Variants in SLC8A1 observed in about 807,000 individuals in gnomAD.
SLC8A1 encodes solute carrier family 8 member A1.
In SLC8A1, 18 loss-of-function variants were observed where a neutral mutation model predicts 68.3. That is an observed-to-expected ratio of 0.26 (90% confidence interval 0.18 to 0.39). SLC8A1 has a LOEUF of 0.39. Ranked by LOEUF, SLC8A1 falls within the 10% of genes least tolerant of loss-of-function variation. The pLI is 1.00. For synonymous variants in SLC8A1, 475 were observed against 415.5 expected (o/e 1.14, Z -1.74); for missense variants, 985 against 1,156.7 (o/e 0.85, Z 2.15).
chr2:40,339,666 A>C (rs887786239), intron 2 of SLC8A1, among the ~76,000 whole-genome samples: 2 of 152,232 alleles, frequency 1.3e-5, no homozygotes, highest in African/African-American at 4.8e-5. Flanking sequence ...TCACCAATGA[A>C]TGTCTCACAC....
At chr2:40,160,049 A>G (rs967003164) in intron 6 of SLC8A1, among the ~76,000 whole-genome samples, 1 of 148,392 alleles carries the variant, frequency 6.7e-6, no homozygotes, top group Non-Finnish European at 1.5e-5. Flanking sequence ...GAACAGGAAA[A>G]AAAATCCAAG....
At chr2:40,104,707 A>G (rs1311593015) in exon 8 of SLC8A1, 1 of 152,206 alleles carries the variant, frequency 6.6e-6, no homozygotes, top group Non-Finnish European at 1.5e-5. Context: ...ACCTAATATA[A>G]TACTTTGCAC....
At chr2:40,277,449 A>G (rs2066868427) in intron 2 of SLC8A1, among the ~76,000 whole-genome samples, 3 of 152,098 alleles carry the variant, frequency 2.0e-5, no homozygotes, top group South Asian at 4.1e-4. Context: ...CTGAGGCAGG[A>G]GAATCACTTG....
At chr2:40,366,499 G>A (rs751207053) in intron 2 of SLC8A1, among the ~76,000 whole-genome samples, 1 of 152,078 alleles carries the variant, frequency 6.6e-6, no homozygotes, top group Non-Finnish European at 1.5e-5. Context: ...ATTATAAGGT[G>A]TGAAATAAAT....
intron 2 of SLC8A1, among the ~76,000 whole-genome samples, chr2:40,265,360 C>T (rs995868573): frequency 2.0e-5 from 3 of 152,140 alleles, no homozygotes; most frequent in African/African-American, 7.2e-5. Context: ...TACTACCTTA[C>T]AGTACACTGC....
chr2:40,338,824 G>A (rs192973870), intron 2 of SLC8A1, among the ~76,000 whole-genome samples: 8 of 152,304 alleles, frequency 5.3e-5, no homozygotes, highest in African/African-American at 1.4e-4. Flanking sequence ...AAAATGCTAC[G>A]TTAATTACAC....
intron 1 of SLC8A1, among the ~76,000 whole-genome samples, chr2:40,481,416 G>A (rs967052657): frequency 3.9e-5 from 6 of 152,180 alleles, no homozygotes; most frequent in Admixed American, 2.6e-4. Context: ...GTGATTTTAT[G>A]CAAAATTATT....
At chr2:40,142,654 G>A (rs904333609) in intron 6 of SLC8A1, among the ~76,000 whole-genome samples, 1 of 152,154 alleles carries the variant, frequency 6.6e-6, no homozygotes, top group African/African-American at 2.4e-5. Context: ...TATAAATTGA[G>A]AGTAGACATT....
intron 2 of SLC8A1, among the ~76,000 whole-genome samples, chr2:40,234,362 T>C (rs1335517094): frequency 1.3e-5 from 2 of 151,996 alleles, no homozygotes; most frequent in East Asian, 1.9e-4. Context: ...TTTGAAGCAA[T>C]TGTGAATGGG....
intron 1 of SLC8A1, among the ~76,000 whole-genome samples, chr2:40,510,273 T>A (rs1030909748): frequency 1.3e-5 from 2 of 152,236 alleles, no homozygotes; most frequent in East Asian, 1.9e-4. Flanking sequence ...GGCAAGTAGC[T>A]TGACTGTCAT....
chr2:40,360,724 C>T (rs1021980339), intron 2 of SLC8A1, among the ~76,000 whole-genome samples: 6 of 152,108 alleles, frequency 3.9e-5, no homozygotes, highest in Admixed American at 1.3e-4. Flanking sequence ...TTAGAATCTG[C>T]ATCACACTCT....
intron 2 of SLC8A1, among the ~76,000 whole-genome samples, chr2:40,313,126 T>C (rs571649217): frequency 6.6e-6 from 1 of 152,218 alleles, no homozygotes; most frequent in African/African-American, 2.4e-5. Flanking sequence ...TCAATAATTT[T>C]ATTGTCACTG....
intron 2 of SLC8A1, among the ~76,000 whole-genome samples, chr2:40,290,422 T>C (rs1411041711): frequency 6.6e-6 from 1 of 152,120 alleles, no homozygotes; most frequent in Non-Finnish European, 1.5e-5. Flanking sequence ...AATTTATTCA[T>C]CCCCTTCTAT....
chr2:40,416,631 G>A (rs147627875), intron 2 of SLC8A1, among the ~76,000 whole-genome samples: 518 of 152,160 alleles, frequency 3.4e-3, no homozygotes, highest in African/African-American at 0.012. Context: ...GAACACTGAA[G>A]TTCAGAGAAA....
At chr2:40,266,126 T>C (rs79824418) in intron 2 of SLC8A1, among the ~76,000 whole-genome samples, 395 of 152,294 alleles carry the variant, frequency 2.6e-3, no homozygotes, top group African/African-American at 9.1e-3. Context: ...TTGGTGCACA[T>C]AGCTTACTTC....
At chr2:40,418,034 G>A (rs1433429730) in intron 2 of SLC8A1, among the ~76,000 whole-genome samples, 1 of 152,038 alleles carries the variant, frequency 6.6e-6, no homozygotes, top group Non-Finnish European at 1.5e-5. Context: ...AAACCAGGTC[G>A]ATTTAAAAGA....
At chr2:40,403,334 TG>T (rs1689314454) in intron 2 of SLC8A1, among the ~76,000 whole-genome samples, 1 of 152,232 alleles carries the variant, frequency 6.6e-6, no homozygotes, top group Non-Finnish European at 1.5e-5. Flanking sequence ...TCTCGTTTCA[TG>T]GTTAGCAGGT....
chr2:40,262,799 T>TG (rs1363345827), intron 2 of SLC8A1, among the ~76,000 whole-genome samples: 1 of 152,122 alleles, frequency 6.6e-6, no homozygotes, highest in Admixed American at 6.5e-5. Flanking sequence ...CCTAAACAAA[T>TG]GATACAGATA....
chr2:40,151,831 G>A (rs1393116116), intron 6 of SLC8A1, among the ~76,000 whole-genome samples: 1 of 152,164 alleles, frequency 6.6e-6, no homozygotes, highest in Non-Finnish European at 1.5e-5. Context: ...GTGGCATTGT[G>A]AGGTTTTATA....
Sources: gnomAD v4.1 joint callset for allele counts (sites outside exome capture counted in the v4.1 genomes callset) on GRCh38, gnomAD v4.1.1 for gene constraint, MANE v1.5 for transcripts, NCBI Gene and HGNC (gene_info 2026-07-23, HGNC 2026-07-21) for gene names.